The following PTPRG variants were observed in gnomAD, a reference collection of about 807,000 sequenced individuals.
PTPRG encodes the protein receptor-type tyrosine-protein phosphatase gamma.
In PTPRG, 102 loss-of-function variants were observed where a neutral mutation model predicts 165.3. The ratio of observed to expected loss-of-function variants is 0.62; its 90% CI spans 0.53 to 0.73. The LOEUF is 0.73. Among genes scored for constraint, PTPRG ranks in the 30% least tolerant of loss-of-function variants. The pLI is 0.00. For missense variants in PTPRG, 1,866 were observed against 1,861.4 expected (o/e 1.00, Z -0.05); for synonymous variants, 675 against 669.5 (o/e 1.01, Z -0.13).
Position 62,174,513 on chromosome 3 carries a change from A to G in PTPRG, c.1033+6350A>G, listed in dbSNP as rs575058074. Among the ~76,000 whole-genome samples, 47 of 152,278 alleles carry G rather than the reference A, an allele frequency of 3.1e-4. 1 individual carries two copies. The highest frequency in any genetic ancestry group is 1.5e-3 in the Admixed American group (23 of 15,300). ...CTAAACATTGCTTCCTGTTTTGGTT[A>G]AAAGCACTTTTAAAGGACATGTACC... On this transcript the variant is annotated intron_variant, in intron 8 of 29. Coordinates refer to ENST00000474889, the MANE Select transcript of PTPRG (RefSeq NM_002841.4).
At chr3:62,017,716 G>A (rs1005259323) in intron 4 of PTPRG, among the ~76,000 whole-genome samples, 1 of 152,044 alleles carries the variant, frequency 6.6e-6, no homozygotes, top group African/African-American at 2.4e-5. Context: ...GAGCCACCGC[G>A]CCCGGCTCAG....
In PTPRG at chr3:61,708,443, C is replaced by CTTTTT. The variant is rs61136954; in HGVS notation, c.86-40411_86-40407dup. The stretch of plus-strand genomic sequence containing the variant: ...CTAATGAACTGGGCTCTCTGCAAAT[C>CTTTTT]TTTTTTTTTTTTTTTTTTTTTTTTT... On this transcript the variant is annotated intron_variant, in intron 1 of 29. Coordinates refer to ENST00000474889, the MANE Select transcript of PTPRG (RefSeq NM_002841.4). Among the ~76,000 whole-genome samples the CTTTTT allele has an allele frequency of 8.0e-3, 604 of 75,918 alleles. 39 individuals carry two copies. Among genetic ancestry groups the CTTTTT allele is most frequent in the Non-Finnish European group, 0.01 (438 of 41,988 alleles). 49.8% of individuals were successfully genotyped at this position (75,918 alleles called of 152,430 possible).
At chr3:62,187,551 A>G (rs1377798102) in intron 8 of PTPRG, among the ~76,000 whole-genome samples, 1 of 152,252 alleles carries the variant, frequency 6.6e-6, no homozygotes, top group African/African-American at 2.4e-5. Context: ...TCATGTTTAC[A>G]TACTATCTGT....
At chr3:62,209,836 A>C (rs2106859468) in intron 12 of PTPRG, among the ~76,000 whole-genome samples, 1 of 152,338 alleles carries the variant, frequency 6.6e-6, no homozygotes, top group Non-Finnish European at 1.5e-5. Context: ...ATGGAAAACC[A>C]GACCCCACTA....
chr3:61,708,131 C>G (rs996463996), intron 1 of PTPRG, among the ~76,000 whole-genome samples: 8 of 152,106 alleles, frequency 5.3e-5, no homozygotes, highest in African/African-American at 1.9e-4. Flanking sequence ...CCCCGGAACG[C>G]TGTGTCACTT....
intron 2 of PTPRG, among the ~76,000 whole-genome samples, chr3:61,859,611 GTTT>G (rs63081460): frequency 2.1e-5 from 3 of 146,004 alleles, no homozygotes. Flanking sequence ...ATAGTCCATA[GTTT>G]TTTTTTTTTT....
chr3:61,752,802 G>GAAAAAAAAA lies in PTPRG; in HGVS notation c.190+3823_190+3831dup, dbSNP rs532651498. Among the ~76,000 whole-genome samples, 242 of 103,476 alleles carry GAAAAAAAAA rather than the reference G, an allele frequency of 2.3e-3. 4 individuals carry two copies. Among genetic ancestry groups the GAAAAAAAAA allele is most frequent in the Middle Eastern group, 5.0e-3 (1 of 202 alleles). 67.9% of individuals were successfully genotyped at this position (103,476 alleles called of 152,430 possible). A position where few individuals can be genotyped will look rare whatever the true frequency, so the allele number is the denominator to read the frequency against. On this transcript the variant is annotated intron_variant, in intron 2 of 29. Transcript: ENST00000474889. ...GACTGTCTCAAAAAAAAAAAAAAAA[G>GAAAAAAAAA]AAAAAAAAAAAGAAAATATTTGCCA...
chr3:62,176,064 G>A (rs1368195328), intron 8 of PTPRG, among the ~76,000 whole-genome samples: 2 of 147,222 alleles, frequency 1.4e-5, no homozygotes, highest in Non-Finnish European at 2.9e-5. Flanking sequence ...TAATCACAAC[G>A]TCTATAAACT....
At chr3:61,953,929 A>G (rs1330827807) in intron 2 of PTPRG, among the ~76,000 whole-genome samples, 1 of 152,236 alleles carries the variant, frequency 6.6e-6, no homozygotes, top group Non-Finnish European at 1.5e-5. Flanking sequence ...ACTTTGTCAC[A>G]TGATTCTGAA....
At chr3:61,869,251 A>T (rs2037493717) in intron 2 of PTPRG, among the ~76,000 whole-genome samples, 1 of 152,176 alleles carries the variant, frequency 6.6e-6, no homozygotes, top group Admixed American at 6.5e-5. Flanking sequence ...TTTATAATTT[A>T]ATTTCTATTT....
chr3:62,012,627 A>G (rs1033461856), intron 4 of PTPRG, among the ~76,000 whole-genome samples: 2 of 152,190 alleles, frequency 1.3e-5, no homozygotes, highest in East Asian at 1.9e-4. Flanking sequence ...TATGGATGAA[A>G]CAAAGTTGTG....
intron 4 of PTPRG, among the ~76,000 whole-genome samples, chr3:62,031,197 A>G (rs1699759014): frequency 6.6e-6 from 1 of 152,242 alleles, no homozygotes; most frequent in South Asian, 2.1e-4. Context: ...CTCATATTCT[A>G]ATTACAATTG....
At chr3:61,923,334 C>T (rs929273103) in intron 2 of PTPRG, among the ~76,000 whole-genome samples, 1 of 152,092 alleles carries the variant, frequency 6.6e-6, no homozygotes, top group African/African-American at 2.4e-5. Context: ...ATTTGCTGTT[C>T]CTATGCATAT....
intron 4 of PTPRG, among the ~76,000 whole-genome samples, chr3:62,025,775 TA>T (rs1353536270): frequency 6.6e-6 from 1 of 152,230 alleles, no homozygotes; most frequent in Non-Finnish European, 1.5e-5. Flanking sequence ...ATTGTTTAAG[TA>T]GGCTCTGTAT....
At chr3:61,813,303 A>G (rs899926501) in intron 2 of PTPRG, among the ~76,000 whole-genome samples, 12 of 150,046 alleles carry the variant, frequency 8.0e-5, no homozygotes, top group Non-Finnish European at 1.8e-4. Flanking sequence ...CAGCCTGGTT[A>G]ACACGGTTAA....
At chr3:62,014,010 A>C (rs942038082) in intron 4 of PTPRG, among the ~76,000 whole-genome samples, 10 of 152,180 alleles carry the variant, frequency 6.6e-5, no homozygotes, top group Non-Finnish European at 1.2e-4. Flanking sequence ...CCTGTGTATC[A>C]GCAACACCAC....
intron 1 of PTPRG, among the ~76,000 whole-genome samples, chr3:61,737,679 G>A (rs1402628564): frequency 6.6e-6 from 1 of 152,094 alleles, no homozygotes; most frequent in Non-Finnish European, 1.5e-5. Flanking sequence ...TCATGATACG[G>A]TGTTTTAAGC....
chr3:61,815,823 A>G (rs1042049043), intron 2 of PTPRG, among the ~76,000 whole-genome samples: 26 of 152,230 alleles, frequency 1.7e-4, no homozygotes, highest in African/African-American at 6.3e-4. Flanking sequence ...GGATATAGGA[A>G]TGAATACAGC....
chr3:62,028,105 A>G (rs955317494), intron 4 of PTPRG, among the ~76,000 whole-genome samples: 2 of 152,216 alleles, frequency 1.3e-5, no homozygotes, highest in Non-Finnish European at 2.9e-5. Context: ...ACAGTGGTTT[A>G]CTGGAAGTCA....
Sources: allele counts gnomAD v4.1 joint callset (sites outside exome capture counted in the v4.1 genomes callset), GRCh38; gene constraint gnomAD v4.1.1; transcripts MANE v1.5; gene names NCBI Gene and HGNC (gene_info 2026-07-23, HGNC 2026-07-21).